The following CNTN5 variants were observed in gnomAD, a reference collection of about 807,000 sequenced individuals.
CNTN5 encodes the protein contactin-5.
Under a neutral mutation model 129.1 loss-of-function variants are expected in CNTN5, and 77 were observed. The observed-to-expected ratio is 0.60, with a 90% CI of 0.50 to 0.72. The LOEUF (loss-of-function observed/expected upper bound fraction) is 0.72. CNTN5 is among the 30% of genes least tolerant of loss of function. The pLI is 0.00. For missense variants in CNTN5, 1,478 were observed against 1,328.8 expected, an observed-to-expected ratio of 1.11 and a Z score of -1.75; for synonymous variants, 509 against 465.6, an observed-to-expected ratio of 1.09 and a Z score of -1.20.
chr11:99,625,904 A>G (rs1015233574), intron 3 of CNTN5, among the ~76,000 whole-genome samples: 1 of 142,858 alleles, frequency 7.0e-6, no homozygotes, highest in African/African-American at 2.7e-5. Flanking sequence ...GCAAGATTAT[A>G]TATATATATA....
chr11:100,193,932 TC>T (rs1948567878), intron 15 of CNTN5, among the ~76,000 whole-genome samples: 1 of 151,912 alleles, frequency 6.6e-6, no homozygotes, highest in Non-Finnish European at 1.5e-5. Flanking sequence ...ACAATACTTC[TC>T]AAAAGTTATG....
intron 2 of CNTN5, among the ~76,000 whole-genome samples, chr11:99,411,849 G>T (rs1181758757): frequency 6.6e-6 from 1 of 152,112 alleles, no homozygotes; most frequent in Non-Finnish European, 1.5e-5. Context: ...CTTACATATG[G>T]TTGATTGGTA....
At chr11:100,138,351 A>G (rs1322430810) in intron 13 of CNTN5, among the ~76,000 whole-genome samples, 1 of 152,078 alleles carries the variant, frequency 6.6e-6, no homozygotes, top group African/African-American at 2.4e-5. Flanking sequence ...TTTTCTAGGT[A>G]CCGGGAACTC....
intron 2 of CNTN5, among the ~76,000 whole-genome samples, chr11:99,527,711 G>A (rs943996417): frequency 5.3e-5 from 8 of 152,150 alleles, no homozygotes; most frequent in African/African-American, 7.2e-5. Context: ...CAGAAGCCTC[G>A]AATGGGAAAG....
intron 2 of CNTN5, among the ~76,000 whole-genome samples, chr11:99,387,540 C>G (rs1940988954): frequency 6.6e-6 from 1 of 152,160 alleles, no homozygotes; most frequent in South Asian, 2.1e-4. Context: ...ATAGAAAGTT[C>G]ATACTATCCA....
intron 1 of CNTN5, among the ~76,000 whole-genome samples, chr11:99,263,279 G>A (rs932618451): frequency 3.3e-5 from 5 of 152,032 alleles, no homozygotes; most frequent in African/African-American, 7.2e-5. Context: ...CTTTTATCCC[G>A]GAGAAAAAAC....
intron 1 of CNTN5, among the ~76,000 whole-genome samples, chr11:99,196,796 C>A (rs1490128871): frequency 6.6e-6 from 1 of 151,674 alleles, no homozygotes; most frequent in African/African-American, 2.4e-5. Context: ...AATTTTAAAA[C>A]TTGTTTAACT....
intron 3 of CNTN5, among the ~76,000 whole-genome samples, chr11:99,586,678 A>G (rs114075094): frequency 3.3e-5 from 5 of 152,200 alleles, no homozygotes; most frequent in Non-Finnish European, 5.9e-5. Flanking sequence ...ACCCTATATC[A>G]TAGTTGATTC....
intron 1 of CNTN5, among the ~76,000 whole-genome samples, chr11:99,167,193 C>T (rs905095472): frequency 6.6e-5 from 10 of 151,480 alleles, no homozygotes; most frequent in Non-Finnish European, 1.2e-4. Flanking sequence ...TCTTAACATT[C>T]GGATTTGGGT....
chr11:100,164,811 T>C (rs1947572977), intron 13 of CNTN5, among the ~76,000 whole-genome samples: 3 of 151,890 alleles, frequency 2.0e-5, no homozygotes, highest in African/African-American at 7.2e-5. Context: ...GTTTGGGTTT[T>C]TGAATATTTT....
chr11:99,820,083 G>T (rs1478397897), intron 4 of CNTN5, among the ~76,000 whole-genome samples: 1 of 152,158 alleles, frequency 6.6e-6, no homozygotes, highest in African/African-American at 2.4e-5. Flanking sequence ...CAAATGGAGA[G>T]CTCCCAGGCC....
chr11:99,956,683 C>T (rs1163331369), intron 7 of CNTN5, 123 bp from the exon 8 acceptor site: 2 of 644,132 alleles, frequency 3.1e-6, no homozygotes, highest in Admixed American at 2.9e-5. Context: ...TATATAGATA[C>T]ATGGATCAAA....
intron 1 of CNTN5, among the ~76,000 whole-genome samples, chr11:99,072,165 G>A (rs1187017641): frequency 1.3e-5 from 2 of 152,030 alleles, no homozygotes; most frequent in Admixed American, 1.3e-4. Flanking sequence ...GAATGGGAAG[G>A]GAGTTGAGGG....
intron 1 of CNTN5, among the ~76,000 whole-genome samples, chr11:99,157,775 C>A (rs954965851): frequency 1.3e-5 from 2 of 152,046 alleles, no homozygotes; most frequent in Admixed American, 6.6e-5. Flanking sequence ...TACCTATTAC[C>A]TGTTCTAAAC....
chr11:99,691,054 T>G (rs540794533), intron 3 of CNTN5, among the ~76,000 whole-genome samples: 2 of 152,230 alleles, frequency 1.3e-5, no homozygotes, highest in South Asian at 4.1e-4. Flanking sequence ...TAAAAGTGTT[T>G]ATAATAGTCT....
intron 8 of CNTN5, 89 bp downstream of exon 8, chr11:99,957,098 A>G: frequency 1.8e-6 from 2 of 1,124,718 alleles, no homozygotes; most frequent in South Asian, 1.6e-5. Flanking sequence ...TAAGACCTGG[A>G]ACTTACAAAT....
intron 24 of CNTN5, among the ~76,000 whole-genome samples, chr11:100,352,927 A>G (rs1452490890): frequency 6.6e-6 from 1 of 151,634 alleles, no homozygotes; most frequent in Non-Finnish European, 1.5e-5. Flanking sequence ...GCATTTACTG[A>G]GGCCTCATCA....
chr11:99,056,864 G>A (rs1036731281), intron 1 of CNTN5, among the ~76,000 whole-genome samples: 9 of 151,994 alleles, frequency 5.9e-5, no homozygotes, highest in African/African-American at 1.9e-4. Flanking sequence ...CCTTTTACTT[G>A]TAAATGGTAT....
rs116321880 is a variant in CNTN5 at position 100,080,377 on chromosome 11, G to A, written c.1580+6083G>A. ...CATAATGGCCCCCTGCTCACTAAAGGAGCTTCAGAAAGGCAAAATTTTCAA... is the reference window on the plus strand; with the variant it reads ...CATAATGGCCCCCTGCTCACTAAAGAAGCTTCAGAAAGGCAAAATTTTCAA... On this transcript the variant is annotated intron_variant, in intron 13 of 24. Transcript: ENST00000524871. Among the ~76,000 whole-genome samples the A allele has an allele frequency of 6.0e-3, 906 of 152,164 alleles. 8 individuals carry two copies. The highest frequency in any genetic ancestry group is 0.02 in the African/African-American group (818 of 41,538).
Sources: allele counts gnomAD v4.1 joint callset (sites outside exome capture counted in the v4.1 genomes callset), GRCh38; gene constraint gnomAD v4.1.1; transcripts MANE v1.5; gene names NCBI Gene and HGNC (gene_info 2026-07-23, HGNC 2026-07-21).